Variants in NELL1 observed in about 807,000 individuals in gnomAD.
NELL1 encodes the protein neural EGFL like 1.
A neutral mutation model predicts 107.4 loss-of-function variants in NELL1; 76 were observed. The observed-to-expected ratio is 0.71, with a 90% CI of 0.59 to 0.86. The LOEUF is 0.86. Ranked by LOEUF, NELL1 falls within the 40% of genes least tolerant of loss-of-function variation. The probability of loss-of-function intolerance (pLI) is 0.00; values close to 1 mark genes in which losing one functional copy is unlikely to be tolerated. For synonymous variants in NELL1, 353 were observed against 341.2 expected (o/e 1.03, Z -0.38); for missense variants, 1,024 against 1,005.5 (o/e 1.02, Z -0.25).
In NELL1 at chr11:20,999,123, A is replaced by G. The variant is rs188461188; in HGVS notation, c.1300+38563A>G. ...TTTGCCACATCCCCATGCTAAGTCA[A>G]TGATGGATATCAAATGCTGGGGTTA... On this transcript the variant is annotated intron_variant, in intron 12 of 19. Coordinates refer to ENST00000357134, the MANE Select transcript of NELL1 (RefSeq NM_006157.5). 4.5e-3 allele frequency among the ~76,000 whole-genome samples: 684 copies of G among 152,316 alleles called. 3 individuals carry two copies. The highest frequency in any genetic ancestry group is 7.6e-3 in the Non-Finnish European group (516 of 68,038).
At chr11:21,077,144 GCT>G (rs1212153107) in intron 12 of NELL1, among the ~76,000 whole-genome samples, 4 of 152,182 alleles carry the variant, frequency 2.6e-5, no homozygotes, top group African/African-American at 9.6e-5. Flanking sequence ...ACACCGAGTT[GCT>G]CTCTGTTTCT....
chr11:21,091,325 A>G (rs745405486), intron 12 of NELL1, among the ~76,000 whole-genome samples: 1 of 152,234 alleles, frequency 6.6e-6, no homozygotes, highest in African/African-American at 2.4e-5. Flanking sequence ...ACTGGCCTTT[A>G]TATAACTCTG....
chr11:21,460,323 C>G (rs914070448), intron 15 of NELL1, among the ~76,000 whole-genome samples: 1 of 152,002 alleles, frequency 6.6e-6, no homozygotes, highest in African/African-American at 2.4e-5. Context: ...CCTAAGGTGC[C>G]CTGGGACAGA....
chr11:21,497,683 T>G (rs1385941544), intron 15 of NELL1, among the ~76,000 whole-genome samples: 1 of 152,084 alleles, frequency 6.6e-6, no homozygotes, highest in Non-Finnish European at 1.5e-5. Context: ...AAATCAAATA[T>G]CATATATTAT....
At chr11:21,473,633 T>C (rs907092597) in intron 15 of NELL1, among the ~76,000 whole-genome samples, 2 of 152,052 alleles carry the variant, frequency 1.3e-5, no homozygotes, top group Non-Finnish European at 2.9e-5. Context: ...TAACTTGGCA[T>C]TCCCTTAGTG....
chr11:21,017,899 A>G (rs1309200002), intron 12 of NELL1, among the ~76,000 whole-genome samples: 1 of 152,114 alleles, frequency 6.6e-6, no homozygotes, highest in African/African-American at 2.4e-5. Context: ...ACCATGATTG[A>G]TGACTTATCT....
chr11:20,990,830 C>T (rs939435913), intron 12 of NELL1, among the ~76,000 whole-genome samples: 5 of 152,182 alleles, frequency 3.3e-5, no homozygotes, highest in Admixed American at 1.3e-4. Context: ...GGCTTCATTT[C>T]ATCCTCAGCT....
At chr11:21,155,643 T>C (rs977563308) in intron 13 of NELL1, among the ~76,000 whole-genome samples, 1 of 152,096 alleles carries the variant, frequency 6.6e-6, no homozygotes, top group African/African-American at 2.4e-5. Context: ...AGGAGTGCAT[T>C]GTGACCCTTG....
rs1250613289 is a variant in NELL1 at position 21,128,150 on chromosome 11, A to G, written c.1426+14436A>G. Among the ~76,000 whole-genome samples the G allele has an allele frequency of 4.6e-5, 7 of 152,310 alleles. No homozygotes were observed. In the East Asian group the frequency reaches 1.4e-3, roughly 29 times the overall value. On this transcript the variant is annotated intron_variant, in intron 13 of 19. Coordinates refer to ENST00000357134, the MANE Select transcript of NELL1 (RefSeq NM_006157.5). ...ACATTTTAGGGAAAAATAGGAGGTT[A>G]AAGAGCTCTGTAATCTTAATAAATA...
chr11:21,222,600 A>G (rs2133874566), intron 13 of NELL1, among the ~76,000 whole-genome samples: 1 of 152,212 alleles, frequency 6.6e-6, no homozygotes, highest in Admixed American at 6.5e-5. Flanking sequence ...TGCTTTTGAA[A>G]TCACTTGAGG....
intron 2 of NELL1, among the ~76,000 whole-genome samples, chr11:20,743,571 A>T (rs1855939210): frequency 6.6e-6 from 1 of 152,134 alleles, no homozygotes; most frequent in Non-Finnish European, 1.5e-5. Context: ...GAATGAATCA[A>T]ATTTGAGCCT....
At chr11:20,786,347 T>G (rs1590292753) in intron 3 of NELL1, among the ~76,000 whole-genome samples, 1 of 103,922 alleles carries the variant, frequency 9.6e-6, no homozygotes, top group African/African-American at 4.5e-5. Flanking sequence ...CAAAACCCCA[T>G]CTCAAAAAAA....
chr11:20,676,615 C>T (rs1027876579), intron 1 of NELL1, among the ~76,000 whole-genome samples: 2 of 152,180 alleles, frequency 1.3e-5, no homozygotes, highest in African/African-American at 4.8e-5. Flanking sequence ...CCTGACCAAC[C>T]GTCTGTTGAC....
At chr11:21,487,893 A>T (rs937707273) in intron 15 of NELL1, among the ~76,000 whole-genome samples, 3 of 152,214 alleles carry the variant, frequency 2.0e-5, no homozygotes, top group African/African-American at 7.2e-5. Context: ...CTTATTTCAG[A>T]TAAAACAGAC....
chr11:21,090,046 T>A (rs1243759942), intron 12 of NELL1, among the ~76,000 whole-genome samples: 2 of 152,142 alleles, frequency 1.3e-5, no homozygotes, highest in African/African-American at 4.8e-5. Context: ...TGGACCATGG[T>A]GTATTTGTGA....
intron 3 of NELL1, among the ~76,000 whole-genome samples, chr11:20,836,812 C>G (rs1301431627): frequency 9.7e-6 from 1 of 102,568 alleles, no homozygotes; most frequent in Non-Finnish European, 2.6e-5. Flanking sequence ...TAGGGGAGAG[C>G]TAAATAGGTG....
chr11:21,419,132 A>C (rs1852594391), intron 15 of NELL1, among the ~76,000 whole-genome samples: 1 of 152,050 alleles, frequency 6.6e-6, no homozygotes, highest in Admixed American at 6.6e-5. Flanking sequence ...GGTTACTTAC[A>C]CTGCTCTGTA....
intron 15 of NELL1, among the ~76,000 whole-genome samples, chr11:21,416,099 G>A (rs1005212157): frequency 1.3e-5 from 2 of 152,060 alleles, no homozygotes; most frequent in Non-Finnish European, 2.9e-5. Flanking sequence ...TTTCTTCAGA[G>A]AGAAAATAGA....
intron 12 of NELL1, among the ~76,000 whole-genome samples, chr11:21,083,824 A>C (rs977220361): frequency 2.0e-5 from 3 of 152,204 alleles, no homozygotes; most frequent in Non-Finnish European, 4.4e-5. Flanking sequence ...AAACACATTA[A>C]ATACTTTTAT....
Sources: allele counts gnomAD v4.1 joint callset (sites outside exome capture counted in the v4.1 genomes callset), GRCh38; gene constraint gnomAD v4.1.1; transcripts MANE v1.5; gene names NCBI Gene and HGNC (gene_info 2026-07-23, HGNC 2026-07-21).